Variants in PKN2 observed in about 807,000 individuals in gnomAD.
The protein encoded by PKN2 is protein kinase N2, also known as serine/threonine-protein kinase N2.
PKN2 carries 38 observed loss-of-function variants against 119.1 expected under a neutral mutation model. That is an observed-to-expected ratio of 0.32 (90% CI 0.25 to 0.42). The LOEUF (loss-of-function observed/expected upper bound fraction) is 0.42, where lower values mean the gene tolerates loss of function less well. Ranked by LOEUF, PKN2 falls within the 10% of genes least tolerant of loss-of-function variation. The pLI is 1.00. For missense variants in PKN2, 850 were observed against 1,165.1 expected, an observed-to-expected ratio of 0.73 and a Z score of 3.94; for synonymous variants, 390 against 384.9, an observed-to-expected ratio of 1.01 and a Z score of -0.15.
Position 88,712,543 on chromosome 1 carries a change from C to G in PKN2, c.48+27915C>G, listed in dbSNP as rs1005338895. On this transcript the variant is annotated intron_variant, in intron 1 of 21. Coordinates refer to ENST00000370521, the MANE Select transcript of PKN2 (RefSeq NM_006256.4). The stretch of plus-strand genomic sequence containing the variant: ...CTAAAATTTCTTCAAGACAGTGAAG[C>G]ATACTGTATTCTGAATTATTAAGAA... Among the ~76,000 whole-genome samples, 3 of 152,078 alleles carry G rather than the reference C, an allele frequency of 2.0e-5. No homozygotes were observed. In the East Asian group the frequency reaches 5.8e-4, roughly 29 times the overall value.
At chr1:88,827,806 G>A (rs1319060137) in intron 18 of PKN2, among the ~76,000 whole-genome samples, 2 of 151,768 alleles carry the variant, frequency 1.3e-5, no homozygotes, top group South Asian at 2.1e-4. Context: ...TGCAGCCTCC[G>A]TCTCCCAAGT....
chr1:88,773,756 G>A (rs746492165), intron 6 of PKN2, among the ~76,000 whole-genome samples: 7 of 152,122 alleles, frequency 4.6e-5, no homozygotes, highest in Non-Finnish European at 7.3e-5. Flanking sequence ...TCCAGCCTGG[G>A]TGACACAGCA....
intron 18 of PKN2, among the ~76,000 whole-genome samples, chr1:88,825,092 G>A (rs574889544): frequency 6.6e-6 from 1 of 152,346 alleles, no homozygotes; most frequent in East Asian, 1.9e-4. Flanking sequence ...ATAACACAGT[G>A]CATGGTACAT....
At chr1:88,716,422 G>A (rs147746047) in intron 1 of PKN2, among the ~76,000 whole-genome samples, 14,831 of 152,192 alleles carry the variant, frequency 0.097, 1,017 homozygotes, top group Non-Finnish European at 0.15. Flanking sequence ...TATTGTGTGG[G>A]AGTCTAAGTC....
chr1:88,752,891 T>C (rs940679693), intron 2 of PKN2, among the ~76,000 whole-genome samples: 2 of 152,216 alleles, frequency 1.3e-5, no homozygotes, highest in Admixed American at 1.3e-4. Context: ...TCATTTAGCC[T>C]ATTTAAATGA....
chr1:88,685,886 C>A (rs962892321), intron 1 of PKN2, among the ~76,000 whole-genome samples: 1 of 152,096 alleles, frequency 6.6e-6, no homozygotes, highest in African/African-American at 2.4e-5. Context: ...AGTTTGGTTT[C>A]TTGTGCAGTC....
rs1392084545 is a variant in PKN2, at chr1:88,701,266, A to G, written c.48+16638A>G. On this transcript the variant is annotated intron_variant, in intron 1 of 21. Transcript: ENST00000370521. ...TGAGACCAGCCTGCCCAACATGGTG[A>G]AACCCTGTCTCTACTAAAAATACAA... Among the ~76,000 whole-genome samples, 3 of 152,168 alleles carry G rather than the reference A, an allele frequency of 2.0e-5. No individual in the cohort carries two copies. In the East Asian group the frequency reaches 5.8e-4, roughly 29 times the overall value.
chr1:88,808,267 G>C (rs1039264966), intron 15 of PKN2, among the ~76,000 whole-genome samples: 2 of 151,802 alleles, frequency 1.3e-5, no homozygotes, highest in African/African-American at 4.8e-5. Context: ...AATAAAGTAA[G>C]TTGTGGTATC....
At chr1:88,789,414 C>A (rs1670718052) in intron 8 of PKN2, among the ~76,000 whole-genome samples, 1 of 152,038 alleles carries the variant, frequency 6.6e-6, no homozygotes, top group Admixed American at 6.5e-5. Flanking sequence ...GTAATCCCAG[C>A]ACTTTGGGGA....
intron 2 of PKN2, among the ~76,000 whole-genome samples, chr1:88,757,258 G>A (rs563678734): frequency 1.3e-5 from 2 of 152,248 alleles, no homozygotes; most frequent in Non-Finnish European, 2.9e-5. Flanking sequence ...ACACATACAT[G>A]TGTTTGCGCA....
chr1:88,760,400 CTATA>C (rs1669395369), intron 3 of PKN2, 24 bp downstream of exon 3: 3 of 1,291,750 alleles, frequency 2.3e-6, no homozygotes, highest in Non-Finnish European at 3.2e-6. Flanking sequence ...ATAAATGTAA[CTATA>C]TAGTCAGTCA....
chr1:88,801,767 G>A (rs1296994893), intron 8 of PKN2, among the ~76,000 whole-genome samples: 1 of 152,192 alleles, frequency 6.6e-6, no homozygotes, highest in East Asian at 1.9e-4. Flanking sequence ...TGCAGAAAGC[G>A]TGCCCCTCGC....
chr1:88,786,739 G>A (rs1371298135), intron 8 of PKN2, among the ~76,000 whole-genome samples: 1 of 151,948 alleles, frequency 6.6e-6, no homozygotes, highest in Non-Finnish European at 1.5e-5. Flanking sequence ...CCATTCATTG[G>A]GTTGTGAGAG....
chr1:88,821,070 C>T (rs1468649967), intron 16 of PKN2, among the ~76,000 whole-genome samples: 1 of 152,194 alleles, frequency 6.6e-6, no homozygotes, highest in Non-Finnish European at 1.5e-5. Context: ...GTCAACCTGT[C>T]AAATGCCAAA....
At chr1:88,703,657 A>G (rs1022250686) in intron 1 of PKN2, among the ~76,000 whole-genome samples, 15 of 152,174 alleles carry the variant, frequency 9.9e-5, no homozygotes, top group African/African-American at 3.6e-4. Context: ...GACTTGGTTT[A>G]TAGAATGACA....
chr1:88,750,544 A>G (rs1343724416), intron 2 of PKN2, among the ~76,000 whole-genome samples: 1 of 151,920 alleles, frequency 6.6e-6, no homozygotes, highest in African/African-American at 2.4e-5. Context: ...ATCATATCCT[A>G]TTTTCTGGTG....
intron 11 of PKN2, 96 bp downstream of exon 11, chr1:88,805,767 C>T: frequency 6.3e-7 from 1 of 1,598,960 alleles, no homozygotes; most frequent in Non-Finnish European, 8.5e-7. Context: ...GCTTTTTTCC[C>T]AAGTAGTATT....
At chr1:88,763,130 A>G (rs538558457) in intron 3 of PKN2, among the ~76,000 whole-genome samples, 4 of 152,350 alleles carry the variant, frequency 2.6e-5, no homozygotes, top group African/African-American at 7.2e-5. Context: ...CTTCCCCACC[A>G]GTGGAGTTTT....
intron 1 of PKN2, among the ~76,000 whole-genome samples, chr1:88,730,669 G>GT (rs1013153272): frequency 1.3e-5 from 2 of 152,104 alleles, no homozygotes; most frequent in Admixed American, 1.3e-4. Context: ...TTTTATTATT[G>GT]TTTTTTAAGT....
Sources: gnomAD v4.1 joint callset for allele counts (sites outside exome capture counted in the v4.1 genomes callset) on GRCh38, gnomAD v4.1.1 for gene constraint, MANE v1.5 for transcripts, NCBI Gene and HGNC (gene_info 2026-07-23, HGNC 2026-07-21) for gene names.